The following KRTAP4-6 variants were observed in gnomAD, a reference collection of about 807,000 sequenced individuals.
KRTAP4-6 encodes keratin associated protein 4-6.
A neutral mutation model predicts 3.6 loss-of-function variants in KRTAP4-6; 1 was observed. The ratio of observed to expected loss-of-function variants is 0.28; its 90% CI spans 0.10 to 1.32. KRTAP4-6 has a LOEUF of 1.32. Ranked by LOEUF, KRTAP4-6 falls within the 40% of genes most tolerant of loss-of-function variation. KRTAP4-6 has a pLI of 0.45. For missense variants in KRTAP4-6, 275 were observed against 280.3 expected (o/e 0.98, Z 0.14); for synonymous variants, 97 against 96.7 (o/e 1.00, Z -0.02).
rs776311124 is a variant in KRTAP4-6 at position 41,140,102 on chromosome 17, C to A, written c.386G>T (p.Cys129Phe). ...TGGCTGGCAGCACACAGACTGGCAG[C>A]ACTGGGACCTGCAGCACCTGGACAC... The change falls in exon 1 of 1, where the codon TGC becomes TTC. Residue 129 changes from cysteine to phenylalanine, a missense_variant. Coordinates refer to ENST00000345847, the Ensembl canonical transcript of KRTAP4-6. 13 of 1,458,810 alleles carry A rather than the reference C, an allele frequency of 8.9e-6. No individual in the cohort carries two copies. In the East Asian group the frequency reaches 3.1e-4, roughly 35 times the overall value. 90.4% of individuals were successfully genotyped at this position (1,458,810 alleles called of 1,614,324 possible).
exon 1 of KRTAP4-6, chr17:41,140,407 C>G (rs1294712830): frequency 1.2e-6 from 2 of 1,613,658 alleles, no homozygotes; most frequent in Non-Finnish European, 1.7e-6. Context: ...AGCAGGTGGT[C>G]TGACAGCAGC....
chr17:41,139,838 T>C (rs2143951446), exon 1 of KRTAP4-6: 1 of 1,549,274 alleles, frequency 6.5e-7, no homozygotes, highest in Non-Finnish European at 8.7e-7. Flanking sequence ...AGGAGTGAGC[T>C]GAAGGGGAGG....
exon 1 of KRTAP4-6, chr17:41,139,850 G>A: frequency 6.4e-7 from 1 of 1,558,854 alleles, no homozygotes; most frequent in Non-Finnish European, 8.7e-7. Flanking sequence ...AAGGGGAGGA[G>A]ATAGTTTCAG....
At chr17:41,139,565 G>A (rs2014661000) in exon 1 of KRTAP4-6, 2 of 462,192 alleles carry the variant, frequency 4.3e-6, no homozygotes, top group Admixed American at 3.9e-5. Context: ...CTTGCCCCGA[G>A]TTACCCTGCA....
exon 1 of KRTAP4-6, chr17:41,140,415 A>T (rs753301842): frequency 3.1e-6 from 5 of 1,614,034 alleles, no homozygotes; most frequent in Non-Finnish European, 3.4e-6. Context: ...GTCTGACAGC[A>T]GCTGGGGCGG....
exon 1 of KRTAP4-6, chr17:41,140,086 G>A: frequency 2.1e-6 from 3 of 1,460,562 alleles, no homozygotes; most frequent in Non-Finnish European, 2.8e-6. Context: ...TTGGCTGGCA[G>A]CACACAGACT....
exon 1 of KRTAP4-6, chr17:41,140,207 C>T (rs2014675882): frequency 1.3e-6 from 2 of 1,584,042 alleles, no homozygotes; most frequent in African/African-American, 1.3e-5. Flanking sequence ...AGACTGGCAG[C>T]ACTGGGGTCT....
At chr17:41,140,219 C>T (rs1315566757) in exon 1 of KRTAP4-6, 2 of 1,592,750 alleles carry the variant, frequency 1.3e-6, no homozygotes, top group African/African-American at 2.7e-5. Flanking sequence ...CTGGGGTCTG[C>T]AGCAGCTGGA....
chr17:41,139,678 A>G (rs1277054038), exon 1 of KRTAP4-6: 4 of 869,356 alleles, frequency 4.6e-6, no homozygotes, highest in Non-Finnish European at 6.9e-6. Flanking sequence ...AATAATATCT[A>G]ATTTCACACT....
exon 1 of KRTAP4-6, chr17:41,139,878 A>G (rs1479648049): frequency 6.3e-7 from 1 of 1,583,378 alleles, no homozygotes; most frequent in East Asian, 2.3e-5. Flanking sequence ...GCTCAGCAGC[A>G]AGAGGAGGCA....
chr17:41,139,533 T>G, exon 1 of KRTAP4-6: 1 of 377,700 alleles, frequency 2.6e-6, no homozygotes, highest in Non-Finnish European at 4.7e-6. Context: ...AATCAGACTT[T>G]CAAATCTGAG....
At chr17:41,139,589 T>G in exon 1 of KRTAP4-6, 5 of 517,474 alleles carry the variant, frequency 9.7e-6, no homozygotes, top group Non-Finnish European at 1.3e-5. Flanking sequence ...ATTTCCATGT[T>G]TGGGACAGAA....
exon 1 of KRTAP4-6, chr17:41,139,778 G>A: frequency 1.3e-6 from 2 of 1,486,844 alleles, no homozygotes; most frequent in Non-Finnish European, 1.8e-6. Context: ...CAGTTGGTGG[G>A]AATGGCCTCT....
chr17:41,140,159 C>A, exon 1 of KRTAP4-6: 1 of 1,462,722 alleles, frequency 6.8e-7, no homozygotes. Flanking sequence ...GCTGGAGATG[C>A]TGCAGCTGGG....
rs1289781784 is a variant in KRTAP4-6, at chr17:41,140,474, C to T, written c.14G>A (p.Cys5Tyr). The T allele has an allele frequency of 1.9e-6, 3 of 1,612,458 alleles. No homozygotes were observed. ...CTGGTCAGAGCAGACGGAACCACAA[C>T]AGGAGCTGACCATGGTGTCAGAGGG... Residue 5 changes from cysteine (C) to tyrosine (Y), a missense_variant, in exon 1 of 1, where the codon TGT becomes TAT. Transcript: ENST00000345847.
rs369397240 is a variant in KRTAP4-6 at position 41,140,382 on chromosome 17, A to C, written c.106T>G (p.Cys36Gly). The C allele has an allele frequency of 8.7e-6, 14 of 1,613,940 alleles. No individual in the cohort carries two copies. In the South Asian group the frequency reaches 1.5e-4, roughly 18 times the overall value. ...CTGGACACACAGCAGCTGGGGCGGCAGCAGGTGGTCCTGCAGCAGGTGGTC... is the reference window on the plus strand; with the variant it reads ...CTGGACACACAGCAGCTGGGGCGGCCGCAGGTGGTCCTGCAGCAGGTGGTC... The change falls in exon 1 of 1, where the codon TGC becomes GGC. Residue 36 changes from cysteine (C) to glycine (G), a missense_variant. By Grantham distance (159) the Cys-to-Gly change is radical. Transcript: ENST00000345847.
At position 41,139,613 on chromosome 17, in the gene KRTAP4-6, A is replaced by G. The variant is rs943069461; in HGVS notation, c.*257T>C. 10 of 610,654 alleles carry G rather than the reference A, an allele frequency of 1.6e-5. No homozygotes were observed. The African/African-American group carries it at 1.8e-4, about 11-fold the overall frequency. 37.8% of individuals were successfully genotyped at this position (610,654 alleles called of 1,614,324 possible). A position where few individuals can be genotyped will look rare whatever the true frequency, so the allele number is the denominator to read the frequency against. On this transcript the variant is annotated 3_prime_UTR_variant, in exon 1 of 1. Coordinates refer to ENST00000345847, the Ensembl canonical transcript of KRTAP4-6. ...TTTGGGACAGAAGAACTTGGTATCCATAAATACAAATATAAGGTATAAAAT... is the reference window on the plus strand; with the variant it reads ...TTTGGGACAGAAGAACTTGGTATCCGTAAATACAAATATAAGGTATAAAAT...
exon 1 of KRTAP4-6, chr17:41,139,626 T>C (rs1486315115): frequency 4.6e-6 from 3 of 649,332 alleles, no homozygotes; most frequent in Non-Finnish European, 7.7e-6. Context: ...AATACAAATA[T>C]AAGGTATAAA....
At chr17:41,139,559 C>T in exon 1 of KRTAP4-6, 1 of 437,384 alleles carries the variant, frequency 2.3e-6, no homozygotes, top group Non-Finnish European at 4.0e-6. Flanking sequence ...GACAACCTTG[C>T]CCCGAGTTAC....
Sources: gnomAD v4.1 joint callset for allele counts on GRCh38, gnomAD v4.1.1 for gene constraint, MANE v1.5 for transcripts, NCBI Gene and HGNC (gene_info 2026-07-23, HGNC 2026-07-21) for gene names.